MAGI2: variants seen among roughly 807,000 people sequenced by gnomAD.
MAGI2 encodes the protein membrane associated guanylate kinase, WW and PDZ domain containing 2, also known as membrane-associated guanylate kinase, WW and PDZ domain-containing protein 2.
A neutral mutation model predicts 133.3 loss-of-function variants in MAGI2; 35 were observed. The ratio of observed to expected loss-of-function variants is 0.26; its 90% CI spans 0.20 to 0.35. The LOEUF is 0.35. MAGI2 is among the 10% of genes least tolerant of loss of function. The pLI is 1.00. For synonymous variants in MAGI2, 729 were observed against 710.6 expected, an observed-to-expected ratio of 1.03 and a Z score of -0.41; for missense variants, 1,636 against 1,863.4, an observed-to-expected ratio of 0.88 and a Z score of 2.25.
chr7:79,275,522 T>A (rs1835167519), intron 1 of MAGI2, among the ~76,000 whole-genome samples: 1 of 152,194 alleles, frequency 6.6e-6, no homozygotes, highest in Non-Finnish European at 1.5e-5. Flanking sequence ...AAGTACAAGG[T>A]GCTAATGTGA....
chr7:79,209,873 C>A, intron 1 of MAGI2, among the ~76,000 whole-genome samples: 1 of 152,032 alleles, frequency 6.6e-6, no homozygotes, highest in East Asian at 1.9e-4. Flanking sequence ...TTATCTTTCA[C>A]AGCATATCCT....
intron 1 of MAGI2, among the ~76,000 whole-genome samples, chr7:79,423,246 T>A (rs2129181149): frequency 6.6e-6 from 1 of 152,190 alleles, no homozygotes; most frequent in Non-Finnish European, 1.5e-5. Context: ...TTATTATTTG[T>A]AAACAGATTA....
At position 78,194,873 on chromosome 7, in the gene MAGI2, C is replaced by T. The variant is rs780296419; in HGVS notation, c.2269+1G>A. On this transcript the variant is annotated splice_donor_variant, in intron 12 of 21. Coordinates refer to ENST00000354212, the MANE Select transcript of MAGI2 (RefSeq NM_012301.4). LOFTEE classifies it high-confidence loss of function. Reference sequence around the variant, plus strand: ...CCTTGTTTCATGTGGCTTTCACTTACGCCTACTTTCATAAATGGCCCTAGA... The same window carrying T: ...CCTTGTTTCATGTGGCTTTCACTTATGCCTACTTTCATAAATGGCCCTAGA... 27 of 1,597,804 alleles carry T rather than the reference C, an allele frequency of 1.7e-5. No homozygotes were observed. The highest frequency in any genetic ancestry group is 2.1e-5 in the Non-Finnish European group (25 of 1,173,444).
intron 9 of MAGI2, among the ~76,000 whole-genome samples, chr7:78,297,737 C>T (rs1562778550): frequency 6.7e-6 from 1 of 149,996 alleles, no homozygotes; most frequent in East Asian, 2.0e-4. Flanking sequence ...GAACAAAAAA[C>T]CAAACACCGC....
intron 1 of MAGI2, among the ~76,000 whole-genome samples, chr7:79,346,815 T>C (rs1257267385): frequency 6.6e-6 from 1 of 152,028 alleles, no homozygotes; most frequent in Non-Finnish European, 1.5e-5. Flanking sequence ...TCTCTCCTTT[T>C]GCATTCTTAG....
intron 1 of MAGI2, among the ~76,000 whole-genome samples, chr7:79,299,902 CTT>C (rs1253348101): frequency 6.6e-6 from 1 of 152,124 alleles, no homozygotes; most frequent in East Asian, 1.9e-4. Context: ...CTCTTTCTCT[CTT>C]GTTTCTGCTT....
intron 1 of MAGI2, among the ~76,000 whole-genome samples, chr7:79,202,619 C>G (rs1365310995): frequency 6.6e-6 from 1 of 151,760 alleles, no homozygotes; most frequent in Non-Finnish European, 1.5e-5. Context: ...TTAAAAAACT[C>G]ATGGGCAAGA....
chr7:78,313,329 C>T (rs1040729645), intron 9 of MAGI2, among the ~76,000 whole-genome samples: 6 of 151,864 alleles, frequency 4.0e-5, no homozygotes, highest in Non-Finnish European at 7.4e-5. Flanking sequence ...GTACTTGTAT[C>T]CCCTAAATAT....
At chr7:78,034,586 A>G (rs548495225) in intron 21 of MAGI2, among the ~76,000 whole-genome samples, 692 of 152,158 alleles carry the variant, frequency 4.5e-3, no homozygotes, top group Non-Finnish European at 7.2e-3. Context: ...GGAGTGCAGT[A>G]GCGTGATCTT....
At chr7:78,912,071 A>G (rs572603824) in intron 2 of MAGI2, among the ~76,000 whole-genome samples, 2 of 152,276 alleles carry the variant, frequency 1.3e-5, no homozygotes, top group African/African-American at 4.8e-5. Context: ...TTTATAATGG[A>G]TTATCATATT....
intron 3 of MAGI2, among the ~76,000 whole-genome samples, chr7:78,524,729 A>T (rs1043697038): frequency 1.3e-5 from 2 of 151,858 alleles, no homozygotes; most frequent in East Asian, 1.9e-4. Context: ...GTATCAATGA[A>T]CTTTTATATT....
chr7:79,076,505 T>C (rs1056645626), intron 1 of MAGI2, among the ~76,000 whole-genome samples: 2 of 152,204 alleles, frequency 1.3e-5, no homozygotes, highest in Non-Finnish European at 2.9e-5. Flanking sequence ...GATGTCATTA[T>C]CAACAATGAC....
chr7:78,698,703 G>A (rs1333438110), intron 2 of MAGI2, among the ~76,000 whole-genome samples: 1 of 152,162 alleles, frequency 6.6e-6, no homozygotes, highest in African/African-American at 2.4e-5. Context: ...GAGGCCTCAG[G>A]AAACTTATAA....
intron 6 of MAGI2, among the ~76,000 whole-genome samples, chr7:78,481,483 A>G (rs1449882531): frequency 6.6e-6 from 1 of 151,954 alleles, no homozygotes; most frequent in Middle Eastern, 3.2e-3. Context: ...ATTGCAACTC[A>G]AGGTGAGATT....
intron 15 of MAGI2, among the ~76,000 whole-genome samples, chr7:78,161,109 T>C (rs1044517825): frequency 1.3e-5 from 2 of 152,206 alleles, no homozygotes; most frequent in African/African-American, 4.8e-5. Context: ...TAAGGAGCTG[T>C]TGAAGGTCTT....
chr7:78,967,825 A>G (rs1051313889), intron 2 of MAGI2, among the ~76,000 whole-genome samples: 2 of 151,704 alleles, frequency 1.3e-5, no homozygotes, highest in African/African-American at 4.8e-5. Flanking sequence ...TGTCATTGAC[A>G]TTTGTTTTTT....
At chr7:78,033,485 A>AG (rs1297716891) in intron 21 of MAGI2, among the ~76,000 whole-genome samples, 1 of 104,044 alleles carries the variant, frequency 9.6e-6, no homozygotes, top group Non-Finnish European at 2.1e-5. Flanking sequence ...AAAAAAAAAA[A>AG]AAAAAAAGAA....
chr7:78,602,549 A>G (rs1267257729), intron 3 of MAGI2, among the ~76,000 whole-genome samples: 2 of 152,208 alleles, frequency 1.3e-5, no homozygotes, highest in East Asian at 3.9e-4. Flanking sequence ...AAGTCTTCAT[A>G]TCAAAATTGA....
At chr7:78,207,758 A>G (rs971804189) in intron 10 of MAGI2, among the ~76,000 whole-genome samples, 1 of 152,250 alleles carries the variant, frequency 6.6e-6, no homozygotes, top group Non-Finnish European at 1.5e-5. Flanking sequence ...TGGAAGACAC[A>G]CTACTGCCAG....
Sources: gnomAD v4.1 joint callset for allele counts (sites outside exome capture counted in the v4.1 genomes callset) on GRCh38, gnomAD v4.1.1 for gene constraint, MANE v1.5 for transcripts, NCBI Gene and HGNC (gene_info 2026-07-23, HGNC 2026-07-21) for gene names.